Variants in PRKN observed in about 807,000 individuals in gnomAD.
PRKN encodes parkin RBR E3 ubiquitin protein ligase.
Under a neutral mutation model 59.5 loss-of-function variants are expected in PRKN, and 56 were observed. That is an observed-to-expected ratio of 0.94 (90% CI 0.76 to 1.18). The LOEUF is 1.18. Among genes scored for constraint, PRKN ranks in the 50% most tolerant of loss-of-function variants. The pLI is 0.00. For synonymous variants in PRKN, 250 were observed against 222.1 expected (o/e 1.13, Z -1.12); for missense variants, 657 against 596.4 (o/e 1.10, Z -1.06).
chr6:162,419,798 A>T (rs1788857792), intron 2 of PRKN, among the ~76,000 whole-genome samples: 1 of 152,098 alleles, frequency 6.6e-6, no homozygotes, highest in Non-Finnish European at 1.5e-5. Context: ...AGGGACAGGG[A>T]CAGGGACAGA....
At chr6:161,432,532 A>ATTTTTTTTTT (rs767620173) in intron 9 of PRKN, among the ~76,000 whole-genome samples, 158 of 125,452 alleles carry the variant, frequency 1.3e-3, no homozygotes, top group African/African-American at 1.6e-3. Context: ...TGCCCAGCTA[A>ATTTTTTTTTT]TTTTTTTTTT....
At chr6:162,400,457 C>CAAAAAAT in intron 2 of PRKN, among the ~76,000 whole-genome samples, 1 of 98,662 alleles carries the variant, frequency 1.0e-5, no homozygotes, top group Non-Finnish European at 2.0e-5. Context: ...ATGTAAATAT[C>CAAAAAAT]AAAAAAAAAA....
At chr6:162,318,850 C>G (rs1400840606) in intron 2 of PRKN, among the ~76,000 whole-genome samples, 1 of 151,936 alleles carries the variant, frequency 6.6e-6, no homozygotes, top group Non-Finnish European at 1.5e-5. Context: ...CTTTTCAATG[C>G]CATTGATCAG....
intron 5 of PRKN, among the ~76,000 whole-genome samples, chr6:162,009,551 C>T (rs566620807): frequency 3.3e-5 from 5 of 151,820 alleles, no homozygotes; most frequent in Non-Finnish European, 7.4e-5. Flanking sequence ...AGCTGAAGCT[C>T]AAACACAGAC....
chr6:161,893,130 C>T (rs1777476171), intron 6 of PRKN, among the ~76,000 whole-genome samples: 1 of 152,186 alleles, frequency 6.6e-6, no homozygotes, highest in Non-Finnish European at 1.5e-5. Context: ...CGTGAGCCAC[C>T]GCACCCAGCC....
intron 7 of PRKN, among the ~76,000 whole-genome samples, chr6:161,637,033 G>A (rs909466664): frequency 2.0e-5 from 3 of 152,230 alleles, no homozygotes; most frequent in African/African-American, 7.2e-5. Flanking sequence ...GCAGCTCTGA[G>A]AGGCTGATGG....
intron 2 of PRKN, among the ~76,000 whole-genome samples, chr6:162,433,542 C>A (rs1233561971): frequency 6.8e-6 from 1 of 147,444 alleles, no homozygotes; most frequent in South Asian, 2.2e-4. Flanking sequence ...CCTACAAGAA[C>A]AGCATGTATC....
intron 7 of PRKN, among the ~76,000 whole-genome samples, chr6:161,741,945 T>TATTA (rs1164725034): frequency 1.3e-4 from 2 of 15,690 alleles, no homozygotes; most frequent in Non-Finnish European, 5.2e-4. Flanking sequence ...TGATGGGATT[T>TATTA]ATTTATTTAT....
At chr6:162,045,113 G>C (rs1236928579) in intron 5 of PRKN, among the ~76,000 whole-genome samples, 1 of 152,152 alleles carries the variant, frequency 6.6e-6, no homozygotes, top group East Asian at 1.9e-4. Flanking sequence ...TTGCTCTGCG[G>C]AATCTGAATT....
At chr6:162,472,065 G>T (rs1299118888) in intron 1 of PRKN, among the ~76,000 whole-genome samples, 1 of 152,138 alleles carries the variant, frequency 6.6e-6, no homozygotes, top group Admixed American at 6.5e-5. Flanking sequence ...ACTGGGGAAC[G>T]CTTTGTGGAT....
At chr6:162,418,728 A>G (rs1583540808) in intron 2 of PRKN, among the ~76,000 whole-genome samples, 1 of 150,900 alleles carries the variant, frequency 6.6e-6, no homozygotes, top group South Asian at 2.1e-4. Flanking sequence ...CCAGTGGCTG[A>G]TGGTGTGCAC....
intron 1 of PRKN, among the ~76,000 whole-genome samples, chr6:162,480,259 C>T (rs1024687130): frequency 2.0e-5 from 3 of 152,082 alleles, no homozygotes; most frequent in Admixed American, 6.6e-5. Context: ...GTTACCATGG[C>T]GAAGACATCA....
intron 7 of PRKN, among the ~76,000 whole-genome samples, chr6:161,746,767 ATATATATGTCTATATC>A (rs1316300623): frequency 6.9e-6 from 1 of 145,682 alleles, no homozygotes; most frequent in Admixed American, 6.8e-5. Context: ...ATCTATATAG[ATATATATGTCTATATC>A]TAGAATCTAG....
chr6:162,483,131 C>T (rs572397918), intron 1 of PRKN, among the ~76,000 whole-genome samples: 7 of 152,242 alleles, frequency 4.6e-5, no homozygotes, highest in Admixed American at 3.3e-4. Flanking sequence ...AGAAGACAAA[C>T]ATAATGTGAA....
At chr6:162,174,587 C>A (rs1783447863) in intron 4 of PRKN, among the ~76,000 whole-genome samples, 1 of 152,146 alleles carries the variant, frequency 6.6e-6, no homozygotes, top group African/African-American at 2.4e-5. Flanking sequence ...GGGTTGTTAG[C>A]AAGAATTTAT....
intron 1 of PRKN, among the ~76,000 whole-genome samples, chr6:162,636,693 G>A (rs1038278510): frequency 3.3e-5 from 5 of 152,160 alleles, no homozygotes; most frequent in Non-Finnish European, 7.4e-5. Context: ...CACCCATAAA[G>A]AAGCAAAACA....
chr6:161,384,931 T>G (rs897284091), intron 10 of PRKN, among the ~76,000 whole-genome samples: 1 of 152,174 alleles, frequency 6.6e-6, no homozygotes, highest in East Asian at 1.9e-4. Flanking sequence ...ACTTTTCTTT[T>G]CTTTTTTTGA....
intron 5 of PRKN, among the ~76,000 whole-genome samples, chr6:162,043,839 C>A (rs1337718646): frequency 6.6e-6 from 1 of 152,184 alleles, no homozygotes; most frequent in Non-Finnish European, 1.5e-5. Flanking sequence ...TTATAGATAA[C>A]AGAGTTGCTG....
chr6:161,686,442 C>G (rs1201083073), intron 7 of PRKN, among the ~76,000 whole-genome samples: 2 of 152,196 alleles, frequency 1.3e-5, no homozygotes, highest in Admixed American at 1.3e-4. Context: ...TACATACACA[C>G]TATAATGCTC....
Sources: gnomAD v4.1 joint callset for allele counts (sites outside exome capture counted in the v4.1 genomes callset) on GRCh38, gnomAD v4.1.1 for gene constraint, MANE v1.5 for transcripts, NCBI Gene and HGNC (gene_info 2026-07-23, HGNC 2026-07-21) for gene names.